The following CPA6 variants were observed in gnomAD, a reference collection of about 807,000 sequenced individuals.
The protein encoded by CPA6 is carboxypeptidase A6.
In CPA6, 58 loss-of-function variants were observed where a neutral mutation model predicts 63.3. The observed-to-expected ratio is 0.92, with a 90% CI of 0.74 to 1.14. CPA6 has a LOEUF of 1.14. CPA6 is among the 50% of genes most tolerant of loss of function. CPA6 has a pLI of 0.00. For missense variants in CPA6, 565 were observed against 526.6 expected (o/e 1.07, Z -0.71); for synonymous variants, 185 against 179.0 (o/e 1.03, Z -0.27).
intron 1 of CPA6, among the ~76,000 whole-genome samples, chr8:67,656,764 G>T (rs1815995685): frequency 6.6e-6 from 1 of 152,152 alleles, no homozygotes; most frequent in South Asian, 2.1e-4. Context: ...GGATCTGTAT[G>T]GGCCTACAAC....
At chr8:67,684,974 T>C (rs1472955883) in intron 1 of CPA6, among the ~76,000 whole-genome samples, 1 of 152,186 alleles carries the variant, frequency 6.6e-6, no homozygotes, top group Non-Finnish European at 1.5e-5. Flanking sequence ...GCTCCTTGGC[T>C]ATACATTCCC....
At chr8:67,672,908 C>CTT (rs141574564) in intron 1 of CPA6, among the ~76,000 whole-genome samples, 11 of 151,538 alleles carry the variant, frequency 7.3e-5, no homozygotes, top group African/African-American at 1.7e-4. Flanking sequence ...ATTTCACTAA[C>CTT]TTTTTTTTTA....
chr8:67,715,367 G>C (rs984575434), intron 1 of CPA6, among the ~76,000 whole-genome samples: 1 of 152,182 alleles, frequency 6.6e-6, no homozygotes, highest in African/African-American at 2.4e-5. Context: ...CACTCACGAA[G>C]TCACTTTACT....
At chr8:67,431,646 A>T (rs527346788) in intron 9 of CPA6, among the ~76,000 whole-genome samples, 1 of 152,330 alleles carries the variant, frequency 6.6e-6, no homozygotes, top group South Asian at 2.1e-4. Flanking sequence ...ACTGTGATAC[A>T]AATTGTTAGG....
At chr8:67,587,476 A>G (rs1273154686) in intron 2 of CPA6, among the ~76,000 whole-genome samples, 1 of 152,192 alleles carries the variant, frequency 6.6e-6, no homozygotes, top group African/African-American at 2.4e-5. Flanking sequence ...TCCATATCAG[A>G]GGAATGATTG....
intron 8 of CPA6, among the ~76,000 whole-genome samples, chr8:67,445,945 A>G (rs1377086488): frequency 5.3e-5 from 8 of 152,232 alleles, no homozygotes; most frequent in Non-Finnish European, 1.0e-4. Flanking sequence ...AAAACAAAGG[A>G]AAAAGATAAA....
intron 2 of CPA6, among the ~76,000 whole-genome samples, chr8:67,549,476 T>G (rs977503861): frequency 1.3e-5 from 2 of 152,228 alleles, no homozygotes; most frequent in Non-Finnish European, 2.9e-5. Context: ...CACTCTTCTT[T>G]TTGTGACAAA....
At chr8:67,480,960 A>G (rs1360453712) in intron 8 of CPA6, among the ~76,000 whole-genome samples, 3 of 152,064 alleles carry the variant, frequency 2.0e-5, no homozygotes, top group Non-Finnish European at 2.9e-5. Flanking sequence ...TCTCTTTTAT[A>G]TATCTTTTTT....
chr8:67,586,389 G>T (rs1052582668), intron 2 of CPA6, among the ~76,000 whole-genome samples: 2 of 152,162 alleles, frequency 1.3e-5, no homozygotes, highest in African/African-American at 4.8e-5. Flanking sequence ...AGTCATAGAA[G>T]ATTGTTGGAT....
intron 2 of CPA6, among the ~76,000 whole-genome samples, chr8:67,584,416 C>G (rs1813868327): frequency 2.6e-5 from 4 of 152,044 alleles, no homozygotes; most frequent in Admixed American, 1.3e-4. Context: ...TTACAAAAGG[C>G]TTGGGTGCAG....
At chr8:67,507,977 C>T (rs189159616) in intron 5 of CPA6, among the ~76,000 whole-genome samples, 42 of 150,444 alleles carry the variant, frequency 2.8e-4, no homozygotes, top group African/African-American at 9.3e-4. Flanking sequence ...ATGAGGCTTC[C>T]TCCTGTATTC....
chr8:67,500,000 G>C (rs894236458), intron 6 of CPA6, among the ~76,000 whole-genome samples: 10 of 152,104 alleles, frequency 6.6e-5, no homozygotes, highest in African/African-American at 2.4e-4. Context: ...TAATTTCTCT[G>C]GGATAAATGC....
In CPA6 at chr8:67,422,603, A is replaced by G; in HGVS notation, c.1215T>C (p.Phe405=). 2.5e-6 allele frequency: 4 copies of G among 1,614,170 alleles called. No homozygotes were observed. ...TGAGCATCTCTGGGAGTAAAAATCC[A>G]AAATATCCAGTGTCACGTAGTTCGA... is the stretch of plus-strand genomic sequence containing the variant. ...FAFELRDTGY[F]GFLLPEMLIK... The change falls in exon 11 of 11, where the codon TTT becomes TTC. Residue 405 remains phenylalanine (F), a synonymous_variant. Transcript: ENST00000297770.
intron 2 of CPA6, among the ~76,000 whole-genome samples, chr8:67,611,986 G>A (rs1442134499): frequency 1.3e-5 from 2 of 152,116 alleles, no homozygotes; most frequent in African/African-American, 4.8e-5. Flanking sequence ...TCTATCTTAT[G>A]TCTTTTAGTA....
In CPA6 at chr8:67,595,303, T is replaced by G. The variant is rs547797665; in HGVS notation, c.192+28873A>C. 2.0e-5 allele frequency among the ~76,000 whole-genome samples: 3 copies of G among 152,232 alleles called. No individual in the cohort carries two copies. In the East Asian group the frequency reaches 5.8e-4, roughly 29 times the overall value. On this transcript the variant is annotated intron_variant, in intron 2 of 10. Coordinates refer to ENST00000297770, the MANE Select transcript of CPA6 (RefSeq NM_020361.5). ...CAGTCTGCCCCTGCTCGGGGGTGCC[T>G]CCCCATTAGGCTGCTCGGGGGTCAG...
intron 5 of CPA6, 50 bp downstream of exon 5, chr8:67,509,467 T>C: frequency 1.2e-6 from 1 of 865,036 alleles, no homozygotes; most frequent in Non-Finnish European, 1.9e-6. Flanking sequence ...TTGAAAAAGA[T>C]GGATATTTGG....
chr8:67,602,613 C>G (rs1410523288), intron 2 of CPA6, among the ~76,000 whole-genome samples: 1 of 152,234 alleles, frequency 6.6e-6, no homozygotes, highest in Non-Finnish European at 1.5e-5. Context: ...CCTCATATCT[C>G]ATCAAGTCCT....
intron 8 of CPA6, among the ~76,000 whole-genome samples, chr8:67,456,200 G>C (rs1810674229): frequency 6.6e-6 from 1 of 152,248 alleles, no homozygotes; most frequent in African/African-American, 2.4e-5. Context: ...GTTAGAGGCA[G>C]TCTCTGAAGA....
chr8:67,460,382 G>T (rs1012826814), intron 8 of CPA6, among the ~76,000 whole-genome samples: 1 of 152,176 alleles, frequency 6.6e-6, no homozygotes, highest in Non-Finnish European at 1.5e-5. Context: ...TTGCATAAGA[G>T]CCTGAACAAT....
Sources: gnomAD v4.1 joint callset for allele counts (sites outside exome capture counted in the v4.1 genomes callset) on GRCh38, gnomAD v4.1.1 for gene constraint, MANE v1.5 for transcripts, NCBI Gene and HGNC (gene_info 2026-07-23, HGNC 2026-07-21) for gene names.